CLCN7: variants seen among roughly 807,000 people sequenced by gnomAD.
CLCN7 encodes Cl-/H+ antiporter 7, also known as H(+)/Cl(-) exchange transporter 7.
CLCN7 carries 60 observed loss-of-function variants against 102.1 expected under a neutral mutation model. The ratio of observed to expected loss-of-function variants is 0.59; its 90% CI spans 0.48 to 0.73. The LOEUF is 0.73. Among genes scored for constraint, CLCN7 ranks in the 30% least tolerant of loss-of-function variants. The pLI is 0.00. For missense variants in CLCN7, 962 were observed against 1,125.7 expected, an observed-to-expected ratio of 0.85 and a Z score of 2.08; for synonymous variants, 560 against 490.5, an observed-to-expected ratio of 1.14 and a Z score of -1.87.
At chr16:1,449,643 C>T (rs2038711999) in intron 17 of CLCN7, 1 of 431,526 alleles carries the variant, frequency 2.3e-6, no homozygotes, top group South Asian at 2.3e-5. Context: ...AACCCCGGCA[C>T]ACACGACACA....
At chr16:1,473,845 A>G (rs1339732475) in intron 1 of CLCN7, among the ~76,000 whole-genome samples, 2 of 151,972 alleles carry the variant, frequency 1.3e-5, no homozygotes, top group African/African-American at 4.8e-5. Context: ...GCACTTTGGG[A>G]GGCTGAGGTG....
At chr16:1,449,139 A>C in intron 18 of CLCN7, 46 bp from the exon 19 acceptor site, 2 of 1,610,560 alleles carry the variant, frequency 1.2e-6, no homozygotes, top group Non-Finnish European at 1.7e-6. Flanking sequence ...CTCCTGGCTC[A>C]GGGTCACGTG....
At position 1,457,815 on chromosome 16, in the gene CLCN7, GAGCCGTAAAAC is replaced by G. The variant is rs1474892355; in HGVS notation, c.676-70_676-60del. On this transcript the variant is annotated intron_variant, in intron 7 of 24. Coordinates refer to ENST00000382745, the MANE Select transcript of CLCN7 (RefSeq NM_001287.6). The surrounding 1 kb of genome is among the most constrained non-coding windows in gnomAD (Gnocchi z 5.4). The stretch of plus-strand genomic sequence containing the variant: ...AAAGGCAGGCGCTGTCTTTGGACCT[GAGCCGTAAAAC>G]AGCACACACAGCCCCGATCAGGCAG... The G allele has an allele frequency of 6.5e-7, 1 of 1,550,278 alleles. No individual in the cohort carries two copies. Among genetic ancestry groups the G allele is most frequent in the East Asian group, 2.2e-5 (1 of 44,460 alleles).
intron 9 of CLCN7, among the ~76,000 whole-genome samples, chr16:1,456,666 C>G (rs1265693196): frequency 6.6e-6 from 1 of 152,068 alleles, no homozygotes; most frequent in East Asian, 1.9e-4. Context: ...TGGCAAAACC[C>G]CATCTCTACT....
At chr16:1,453,711 T>C (rs1289067614) in intron 14 of CLCN7, 123 bp downstream of exon 14, 27 of 925,146 alleles carry the variant, frequency 2.9e-5, no homozygotes, top group Non-Finnish European at 4.4e-5. Flanking sequence ...GGAAGGACGC[T>C]GCATACACAG....
chr16:1,455,932 A>G, intron 10 of CLCN7, 137 bp from the exon 11 acceptor site: 1 of 1,048,742 alleles, frequency 9.5e-7, no homozygotes, highest in Non-Finnish European at 1.4e-6. Flanking sequence ...CCACACAGAG[A>G]GGGACCCTGA....
chr16:1,452,920 C>A, intron 14 of CLCN7, 27 bp from the exon 15 acceptor site: 1 of 1,558,326 alleles, frequency 6.4e-7, no homozygotes, highest in Non-Finnish European at 8.7e-7. Flanking sequence ...GGCTGCATGG[C>A]AGGCAGGACG....
chr16:1,463,422 C>T (rs12918391), intron 2 of CLCN7, among the ~76,000 whole-genome samples: 64,819 of 151,870 alleles, frequency 0.43, 14,118 homozygotes, highest in Non-Finnish European at 0.46. Flanking sequence ...TTGCTTGAGC[C>T]TGAGAGATGG....
At chr16:1,447,169 CCCACCACGGCGTCCAGG>C in intron 23 of CLCN7, 83 bp from the exon 24 acceptor site, 1 of 1,364,494 alleles carries the variant, frequency 7.3e-7, no homozygotes, top group Non-Finnish European at 1.0e-6. Context: ...CCCTGCACCC[CCCACCACGGCGTCCAGG>C]CACGTCCTGA....
chr16:1,450,043 C>G, intron 17 of CLCN7: 1 of 197,086 alleles, frequency 5.1e-6, no homozygotes. Context: ...AAACAGAAGA[C>G]ACATAAGAGA....
chr16:1,474,978 C>A lies in CLCN7; in HGVS notation c.-4G>T. On this transcript the variant is annotated 5_prime_UTR_variant, in exon 1 of 25. Coordinates refer to ENST00000382745, the MANE Select transcript of CLCN7 (RefSeq NM_001287.6). The stretch of plus-strand genomic sequence containing the variant: ...CCTTCTTAGAGACGTTGGCCATGGC[C>A]CGCCGCGGAGCGACACCGGCCGGGA... 1.4e-6 allele frequency: 2 copies of A among 1,479,876 alleles called. No homozygotes were observed. The highest frequency in any genetic ancestry group is 1.8e-6 in the Non-Finnish European group (2 of 1,118,540). The allele number at this position is 1,479,876 out of a possible 1,614,324, so 91.7% of individuals were successfully genotyped here.
In CLCN7 at chr16:1,457,265, G is replaced by A. The variant is rs751150295; in HGVS notation, c.811C>T (p.Arg271Ter). ...ISQGRSTSLK[R>*]DFKIFEYFRR... ...AGATTTCAACTCACCTTGAAATCTC[G>A]TTTCAGTGACGTTGACCTTCCCTGA... The change falls in exon 9 of 25, where the codon CGA becomes TGA. Residue 271 changes from arginine (R) to a stop codon, truncating the protein, a stop_gained. Coordinates refer to ENST00000382745, the MANE Select transcript of CLCN7 (RefSeq NM_001287.6). LOFTEE classifies it high-confidence loss of function. This position sits in a 1 kb window ranked among gnomAD's most constrained non-coding sequence, Gnocchi z 5.4. 1.9e-6 allele frequency: 3 copies of A among 1,613,790 alleles called. No homozygotes were observed. Among genetic ancestry groups the A allele is most frequent in the East Asian group, 2.2e-5 (1 of 44,896 alleles).
chr16:1,452,478 G>A (rs1468175818), intron 15 of CLCN7: 29 of 500,074 alleles, frequency 5.8e-5, no homozygotes, highest in South Asian at 1.6e-4. Flanking sequence ...CCCATAGGGC[G>A]CCTGAGGCTC....
At chr16:1,452,403 C>T (rs528124785) in intron 15 of CLCN7, 10 of 338,486 alleles carry the variant, frequency 3.0e-5, no homozygotes, top group South Asian at 2.0e-4. Context: ...GAGCCGTGAG[C>T]GCCAGGCACA....
At chr16:1,473,810 G>A (rs1478901880) in intron 1 of CLCN7, among the ~76,000 whole-genome samples, 9 of 152,208 alleles carry the variant, frequency 5.9e-5, no homozygotes, top group East Asian at 1.9e-4. Context: ...ACGGCCAGGC[G>A]CAGTGGCTCA....
rs1190806805 is a variant in CLCN7, at chr16:1,457,342, A to G, written c.739-5T>C. 6.2e-7 allele frequency: 1 copy of G among 1,612,894 alleles called. No individual in the cohort carries two copies. The highest frequency in any genetic ancestry group is 1.1e-5 in the South Asian group (1 of 91,042). ...TGAGTGGATCATCGGCCCTTCCTGG[A>G]GACCAGAAGGACCGGTGCTCAGAGA... On this transcript the variant is annotated splice_polypyrimidine_tract_variant and splice_region_variant and intron_variant, in intron 8 of 24. Coordinates refer to ENST00000382745, the MANE Select transcript of CLCN7 (RefSeq NM_001287.6). The surrounding 1 kb of genome is among the most constrained non-coding windows in gnomAD (Gnocchi z 5.4).
Position 1,448,362 on chromosome 16 carries a change from T to C in CLCN7, c.2006A>G (p.Asp669Gly). The change falls in exon 21 of 25, where the codon GAC becomes GGC. Residue 669 changes from aspartate to glycine, a missense_variant. Around this residue, in one of 2 missense-constraint regions of CLCN7, gnomAD observed 799 missense variants for 988.0 expected, o/e 0.81. Transcript: ENST00000382745. ...CTATGGGGTGCCCGGTACCTGGGTG[T>C]CATCGGCATGCTCCACCACGGGGAA... The part of the protein sequence containing the change: ...NGFPVVEHAD[D>G]TQPARLQGLI... The C allele has an allele frequency of 6.8e-6, 11 of 1,612,698 alleles. No homozygotes were observed. Among genetic ancestry groups the C allele is most frequent in the Non-Finnish European group, 9.3e-6 (11 of 1,179,940 alleles).
chr16:1,452,803 C>T lies in CLCN7; in HGVS notation c.1305G>A (p.Ser435=), dbSNP rs776066115. The T allele has an allele frequency of 7.5e-6, 12 of 1,605,798 alleles. No homozygotes were observed. Among genetic ancestry groups the T allele is most frequent in the African/African-American group, 1.3e-5 (1 of 74,692 alleles). Residue 435 remains serine, a synonymous_variant, in exon 15 of 25, where the codon TCG becomes TCA. Transcript: ENST00000382745. ...CCCCCTGCAGGGGCTGGCAATCCCG[C>T]GACGAGTAGATCAGCACGAAGGCAA... The part of the protein sequence containing the change: ...ATVAFVLIYS[S]RDCQPLQGGS...
intron 1 of CLCN7, among the ~76,000 whole-genome samples, chr16:1,473,181 C>T (rs922835819): frequency 2.0e-5 from 3 of 151,948 alleles, no homozygotes; most frequent in Admixed American, 2.0e-4. Flanking sequence ...AAATTAACCC[C>T]TTCAGATCAC....
Sources: gnomAD v4.1 joint callset for allele counts (sites outside exome capture counted in the v4.1 genomes callset) on GRCh38, gnomAD v4.1.1 for gene constraint, gnomAD v4.1.1 regional missense constraint, Gnocchi (gnomAD v3.1) non-coding constraint, MANE v1.5 for transcripts, NCBI Gene and HGNC (gene_info 2026-07-23, HGNC 2026-07-21) for gene names.